The following SLC44A5 variants were observed in gnomAD, a reference collection of about 807,000 sequenced individuals.
SLC44A5 encodes solute carrier family 44 member 5.
SLC44A5 carries 57 observed loss-of-function variants against 101.8 expected under a neutral mutation model. The observed-to-expected ratio is 0.56, with a 90% CI of 0.45 to 0.70. SLC44A5 has a LOEUF of 0.70. SLC44A5 is among the 30% of genes least tolerant of loss of function. SLC44A5 has a pLI of 0.00. For synonymous variants in SLC44A5, 281 were observed against 290.9 expected, an observed-to-expected ratio of 0.97 and a Z score of 0.35; for missense variants, 737 against 853.1, an observed-to-expected ratio of 0.86 and a Z score of 1.70.
At chr1:75,439,558 GA>G (rs11345705) in intron 2 of SLC44A5, among the ~76,000 whole-genome samples, 51,096 of 151,596 alleles carry the variant, frequency 0.34, 8,682 homozygotes, top group Middle Eastern at 0.4. Context: ...TCTCTAAGGG[GA>G]AAAAAATCTC....
chr1:75,375,601 TTTCTATCACTGTTC>T (rs56996160), intron 3 of SLC44A5, among the ~76,000 whole-genome samples: 95,915 of 151,962 alleles, frequency 0.63, 31,892 homozygotes, highest in East Asian at 0.96. Flanking sequence ...TCATATCACT[TTTCTATCACTGTTC>T]ACAAAGGGAA....
chr1:75,719,222 G>T, the SLC44A5 span, among the ~76,000 whole-genome samples: 39 of 152,262 alleles, frequency 2.6e-4, no homozygotes, highest in African/African-American at 8.7e-4. Context: ...AGAGAAATTT[G>T]TACAGGTATT....
chr1:75,500,317 A>G (rs2101836989), intron 2 of SLC44A5, among the ~76,000 whole-genome samples: 1 of 152,338 alleles, frequency 6.6e-6, no homozygotes, highest in Non-Finnish European at 1.5e-5. Context: ...GGCAGTAAAT[A>G]ATAAGAAATT....
the SLC44A5 span, among the ~76,000 whole-genome samples, chr1:75,691,670 C>T: frequency 6.6e-6 from 1 of 152,184 alleles, no homozygotes; most frequent in Non-Finnish European, 1.5e-5. Flanking sequence ...AGTTGACCCA[C>T]CCTGAGGCAA....
At chr1:75,245,202 G>A (rs1437640150) in intron 7 of SLC44A5, among the ~76,000 whole-genome samples, 1 of 152,054 alleles carries the variant, frequency 6.6e-6, no homozygotes, top group African/African-American at 2.4e-5. Flanking sequence ...ACCTCCACAT[G>A]TATTTCCTCT....
intron 6 of SLC44A5, among the ~76,000 whole-genome samples, chr1:75,266,377 G>A (rs919393267): frequency 2.7e-5 from 4 of 148,592 alleles, no homozygotes; most frequent in Non-Finnish European, 4.5e-5. Context: ...TTTAAAACAT[G>A]TAATGATACT....
chr1:75,390,200 C>T lies in SLC44A5; in HGVS notation c.52+6383G>A, dbSNP rs1661690913. On this transcript the variant is annotated intron_variant, in intron 3 of 23. Coordinates refer to ENST00000370859, the MANE Select transcript of SLC44A5 (RefSeq NM_001130058.2). ...CAACCAAAAAAAGCCCTGTAGCAGA[C>T]AAACTCAGAGCCAAATTCTACCAGG... Among the ~76,000 whole-genome samples, 3 of 152,060 alleles carry T rather than the reference C, an allele frequency of 2.0e-5. No homozygotes were observed. In the Middle Eastern group the frequency reaches 0.01, roughly 517 times the overall value.
chr1:75,552,805 G>C (rs1424008116), intron 1 of SLC44A5, among the ~76,000 whole-genome samples: 4 of 151,704 alleles, frequency 2.6e-5, no homozygotes, highest in Admixed American at 1.3e-4. Context: ...TTTATTTTTT[G>C]GTGGCATACT....
the SLC44A5 span, among the ~76,000 whole-genome samples, chr1:75,636,575 G>A: frequency 6.6e-6 from 1 of 152,156 alleles, no homozygotes; most frequent in African/African-American, 2.4e-5. Flanking sequence ...AAACAACACT[G>A]TGCCTGAGGA....
At chr1:75,542,282 T>C (rs189928541) in intron 1 of SLC44A5, among the ~76,000 whole-genome samples, 30 of 152,252 alleles carry the variant, frequency 2.0e-4, no homozygotes, top group Non-Finnish European at 4.0e-4. Flanking sequence ...ATAACCATAG[T>C]ATAGTTGCCT....
intron 3 of SLC44A5, among the ~76,000 whole-genome samples, chr1:75,354,587 C>G (rs1292131148): frequency 1.3e-5 from 2 of 152,202 alleles, no homozygotes; most frequent in Admixed American, 1.3e-4. Context: ...TCACGATGGC[C>G]CCCTGGTCCC....
chr1:75,230,491 CA>C (rs1203853245), intron 12 of SLC44A5, among the ~76,000 whole-genome samples: 2 of 151,984 alleles, frequency 1.3e-5, no homozygotes, highest in African/African-American at 4.8e-5. Context: ...CCTTGCGATC[CA>C]CCTGCCTTAG....
intron 2 of SLC44A5, among the ~76,000 whole-genome samples, chr1:75,460,351 T>C (rs1666432154): frequency 6.6e-6 from 1 of 152,218 alleles, no homozygotes; most frequent in African/African-American, 2.4e-5. Context: ...ACAGAAACTA[T>C]GTGATTAAGA....
At chr1:75,722,192 A>G in the SLC44A5 span, among the ~76,000 whole-genome samples, 1 of 152,224 alleles carries the variant, frequency 6.6e-6, no homozygotes, top group South Asian at 2.1e-4. Flanking sequence ...AATCTAGGTG[A>G]TAATGATATT....
chr1:75,632,049 A>G, the SLC44A5 span, among the ~76,000 whole-genome samples: 3 of 152,150 alleles, frequency 2.0e-5, no homozygotes, highest in Non-Finnish European at 4.4e-5. Context: ...AATTTTAAGG[A>G]GAAGCCAACT....
rs1387201506 is a variant in SLC44A5, at chr1:75,423,633, C to T, written c.14-27012G>A. On this transcript the variant is annotated intron_variant, in intron 2 of 23. Coordinates refer to ENST00000370859, the MANE Select transcript of SLC44A5 (RefSeq NM_001130058.2). ...TAAATGTTTGCTACGTTAATATGTG[C>T]CTGGCTCTATTTGCCTTGCGTCTTT... is the stretch of plus-strand genomic sequence containing the variant. 2.0e-5 allele frequency among the ~76,000 whole-genome samples: 3 copies of T among 152,188 alleles called. No homozygotes were observed. In the East Asian group the frequency reaches 5.8e-4, roughly 29 times the overall value.
chr1:75,572,939 T>C (rs184322456), intron 1 of SLC44A5, among the ~76,000 whole-genome samples: 245 of 151,662 alleles, frequency 1.6e-3, no homozygotes, highest in Non-Finnish European at 2.9e-3. Context: ...CCTGGCTAAC[T>C]TGGCAAAACC....
chr1:75,404,143 T>C (rs1001519481), intron 2 of SLC44A5, among the ~76,000 whole-genome samples: 1 of 151,550 alleles, frequency 6.6e-6, no homozygotes, highest in African/African-American at 2.4e-5. Flanking sequence ...GAAGACAAGA[T>C]TAGAGACAAA....
chr1:75,659,416 A>AGAGGGAGGGAGG, the SLC44A5 span, among the ~76,000 whole-genome samples: 1 of 74,800 alleles, frequency 1.3e-5, no homozygotes, highest in African/African-American at 4.9e-5. Context: ...AAAGAAAGAA[A>AGAGGGAGGGAGG]GAGGGAGGGT....
Sources: gnomAD v4.1 joint callset for allele counts (sites outside exome capture counted in the v4.1 genomes callset) on GRCh38, gnomAD v4.1.1 for gene constraint, MANE v1.5 for transcripts, NCBI Gene and HGNC (gene_info 2026-07-23, HGNC 2026-07-21) for gene names.